AGBL4: variants seen among roughly 807,000 people sequenced by gnomAD.
AGBL4 encodes cytosolic carboxypeptidase 6.
Under a neutral mutation model 66.4 loss-of-function variants are expected in AGBL4, and 58 were observed. The ratio of observed to expected loss-of-function variants is 0.87; its 90% CI spans 0.71 to 1.09. AGBL4 has a LOEUF of 1.09. AGBL4 is among the 50% of genes least tolerant of loss of function. AGBL4 has a pLI of 0.00. For synonymous variants in AGBL4, 234 were observed against 222.9 expected (o/e 1.05, Z -0.44); for missense variants, 579 against 631.0 (o/e 0.92, Z 0.88).
chr1:48,764,523 A>G (rs763088551), intron 6 of AGBL4, among the ~76,000 whole-genome samples: 2 of 152,162 alleles, frequency 1.3e-5, no homozygotes, highest in Non-Finnish European at 2.9e-5. Context: ...GTTATGAAAG[A>G]TGGTTCAGTT....
At chr1:49,673,630 C>T (rs980444408) in intron 3 of AGBL4, among the ~76,000 whole-genome samples, 1 of 151,944 alleles carries the variant, frequency 6.6e-6, no homozygotes, top group Admixed American at 6.6e-5. Flanking sequence ...GAAAATTCCC[C>T]AAGTGAAATT....
At chr1:49,577,125 G>A (rs1644452881) in intron 3 of AGBL4, among the ~76,000 whole-genome samples, 1 of 152,250 alleles carries the variant, frequency 6.6e-6, no homozygotes, top group Non-Finnish European at 1.5e-5. Flanking sequence ...GACAAGGTAT[G>A]TGGATGGACA....
At chr1:49,050,932 T>C (rs777896353) in intron 4 of AGBL4, among the ~76,000 whole-genome samples, 1 of 152,114 alleles carries the variant, frequency 6.6e-6, no homozygotes, top group Non-Finnish European at 1.5e-5. Flanking sequence ...CTCTCTACTT[T>C]CTGTTGAGAC....
At chr1:48,867,089 A>C in intron 6 of AGBL4, 102 bp downstream of exon 6, 1 of 1,304,110 alleles carries the variant, frequency 7.7e-7, no homozygotes, top group South Asian at 1.3e-5. Context: ...CCGTTCATTC[A>C]GGGAGCCAAA....
At chr1:48,813,542 G>A (rs1161989347) in intron 6 of AGBL4, among the ~76,000 whole-genome samples, 1 of 152,164 alleles carries the variant, frequency 6.6e-6, no homozygotes, top group African/African-American at 2.4e-5. Context: ...AGGGAGCCTA[G>A]GCTTGATGAT....
intron 11 of AGBL4, among the ~76,000 whole-genome samples, chr1:48,574,539 T>A (rs1024290523): frequency 6.8e-6 from 1 of 146,746 alleles, no homozygotes; most frequent in African/African-American, 2.5e-5. Flanking sequence ...TTTCTTTTCT[T>A]TTTTTTTTTT....
chr1:49,765,479 T>A (rs970084509), intron 2 of AGBL4, among the ~76,000 whole-genome samples: 2 of 151,972 alleles, frequency 1.3e-5, no homozygotes, highest in African/African-American at 4.8e-5. Context: ...ATAATTACAA[T>A]AATTAGAATT....
intron 6 of AGBL4, among the ~76,000 whole-genome samples, chr1:48,813,093 TA>T (rs1189725326): frequency 6.6e-6 from 1 of 151,924 alleles, no homozygotes; most frequent in Non-Finnish European, 1.5e-5. Flanking sequence ...ACATGTACCC[TA>T]AAACTTAAAG....
chr1:49,219,049 T>C (rs1649296851), intron 4 of AGBL4, among the ~76,000 whole-genome samples: 1 of 152,100 alleles, frequency 6.6e-6, no homozygotes, highest in South Asian at 2.1e-4. Flanking sequence ...ATCAGCAGCA[T>C]TGGAATGGAC....
At chr1:49,001,679 C>A (rs1265369948) in intron 5 of AGBL4, among the ~76,000 whole-genome samples, 1 of 152,176 alleles carries the variant, frequency 6.6e-6, no homozygotes, top group East Asian at 1.9e-4. Context: ...ACATGTCTAG[C>A]CAAGATTACT....
chr1:49,420,228 A>G (rs1411337932), intron 3 of AGBL4, among the ~76,000 whole-genome samples: 2 of 152,194 alleles, frequency 1.3e-5, no homozygotes, highest in Admixed American at 1.3e-4. Flanking sequence ...AAAAGGCATG[A>G]CATGTGAAGT....
intron 3 of AGBL4, among the ~76,000 whole-genome samples, chr1:49,310,203 T>C (rs970466269): frequency 6.6e-6 from 1 of 152,080 alleles, no homozygotes; most frequent in Non-Finnish European, 1.5e-5. Context: ...ATGTGCCAGA[T>C]TAAGTAGTGT....
chr1:49,561,753 C>T (rs1295417305), intron 3 of AGBL4, among the ~76,000 whole-genome samples: 35 of 151,676 alleles, frequency 2.3e-4, no homozygotes, highest in South Asian at 1.0e-3. Context: ...TTGTGAATAG[C>T]GCCACAATAA....
chr1:49,364,613 G>A (rs867211219), intron 3 of AGBL4, among the ~76,000 whole-genome samples: 7 of 152,020 alleles, frequency 4.6e-5, no homozygotes, highest in African/African-American at 1.4e-4. Flanking sequence ...AAGTAGCTGG[G>A]CCTACAGACG....
chr1:49,729,548 C>G, intron 2 of AGBL4, among the ~76,000 whole-genome samples: 1 of 151,674 alleles, frequency 6.6e-6, no homozygotes, highest in East Asian at 1.9e-4. Flanking sequence ...TTGAGATTAA[C>G]CCCCCCAAAA....
At chr1:49,981,843 T>G (rs1170639722) in intron 1 of AGBL4, among the ~76,000 whole-genome samples, 1 of 152,244 alleles carries the variant, frequency 6.6e-6, no homozygotes. Context: ...CCTTTGGCTC[T>G]TTTATCTATT....
At chr1:49,380,400 A>G (rs372438629) in intron 3 of AGBL4, among the ~76,000 whole-genome samples, 3 of 152,196 alleles carry the variant, frequency 2.0e-5, no homozygotes, top group African/African-American at 7.2e-5. Flanking sequence ...AATCAATATC[A>G]TGAAAAGGGC....
intron 5 of AGBL4, among the ~76,000 whole-genome samples, chr1:48,987,530 T>C (rs541708584): frequency 2.0e-5 from 3 of 152,190 alleles, no homozygotes; most frequent in Middle Eastern, 3.4e-3. Context: ...CAAAAATTGA[T>C]AGAATTGAAC....
intron 3 of AGBL4, among the ~76,000 whole-genome samples, chr1:49,447,304 C>A (rs936071231): frequency 2.6e-5 from 4 of 152,104 alleles, no homozygotes; most frequent in Admixed American, 2.6e-4. Context: ...CTGGAAGATA[C>A]CTTTTTGTTA....
Sources: allele counts gnomAD v4.1 joint callset (sites outside exome capture counted in the v4.1 genomes callset), GRCh38; gene constraint gnomAD v4.1.1; transcripts MANE v1.5; gene names NCBI Gene and HGNC (gene_info 2026-07-23, HGNC 2026-07-21).